Variants in PDE1A observed in about 807,000 individuals in gnomAD.
PDE1A encodes dual specificity calcium/calmodulin-dependent 3',5'-cyclic nucleotide phosphodiesterase 1A.
Under a neutral mutation model 61.7 loss-of-function variants are expected in PDE1A, and 35 were observed. The observed-to-expected ratio is 0.57, with a 90% CI of 0.43 to 0.75. The LOEUF (loss-of-function observed/expected upper bound fraction) is 0.75, where lower values mean the gene tolerates loss of function less well. PDE1A is among the 30% of genes least tolerant of loss of function. PDE1A has a pLI of 0.00. For synonymous variants in PDE1A, 232 were observed against 213.2 expected, an observed-to-expected ratio of 1.09 and a Z score of -0.77; for missense variants, 597 against 630.6, an observed-to-expected ratio of 0.95 and a Z score of 0.57.
intron 1 of PDE1A, among the ~76,000 whole-genome samples, chr2:182,277,666 G>A (rs1332595595): frequency 6.6e-6 from 1 of 152,038 alleles, no homozygotes; most frequent in Non-Finnish European, 1.5e-5. Flanking sequence ...TGTCTTTAAG[G>A]AATTCTTAAT....
the PDE1A span, among the ~76,000 whole-genome samples, chr2:182,548,230 T>A: frequency 1.3e-5 from 2 of 152,190 alleles, no homozygotes; most frequent in Admixed American, 1.3e-4. Flanking sequence ...GTGCTCCAGA[T>A]TCAGCTGTTA....
the PDE1A span, among the ~76,000 whole-genome samples, chr2:182,650,286 A>T: frequency 6.6e-6 from 1 of 152,192 alleles, no homozygotes; most frequent in African/African-American, 2.4e-5. Flanking sequence ...GATTTTTAAA[A>T]ACCTACTAAC....
chr2:182,604,533 G>A, the PDE1A span, among the ~76,000 whole-genome samples: 12 of 152,150 alleles, frequency 7.9e-5, no homozygotes, highest in African/African-American at 2.9e-4. Flanking sequence ...CTCAGTCCAA[G>A]GATATGGAGA....
the PDE1A span, among the ~76,000 whole-genome samples, chr2:182,611,512 A>T: frequency 5.0e-3 from 755 of 152,208 alleles, 3 homozygotes; most frequent in Non-Finnish European, 8.0e-3. Context: ...TTAAACTTCA[A>T]CTCATCTTCC....
chr2:182,689,231 C>T, the PDE1A span, among the ~76,000 whole-genome samples: 3 of 152,286 alleles, frequency 2.0e-5, no homozygotes, highest in South Asian at 6.2e-4. Flanking sequence ...ATACATTCTT[C>T]TCAGGACCAC....
intron 13 of PDE1A, among the ~76,000 whole-genome samples, chr2:182,155,942 T>C (rs370850189): frequency 3.9e-5 from 6 of 152,030 alleles, no homozygotes; most frequent in African/African-American, 1.5e-4. Context: ...GTGAAGATAA[T>C]TGAATCATGG....
chr2:182,394,339 A>G (rs1039591750), intron 1 of PDE1A, among the ~76,000 whole-genome samples: 6 of 152,148 alleles, frequency 3.9e-5, no homozygotes, highest in Admixed American at 3.3e-4. Context: ...TACCCTTTAT[A>G]AAATCATCAG....
chr2:182,644,334 A>G, the PDE1A span, among the ~76,000 whole-genome samples: 2 of 146,340 alleles, frequency 1.4e-5, no homozygotes, highest in East Asian at 2.0e-4. Flanking sequence ...GCCATGTATG[A>G]AACCCAAAGT....
At chr2:182,315,441 A>G (rs1178627402) in intron 1 of PDE1A, among the ~76,000 whole-genome samples, 1 of 152,214 alleles carries the variant, frequency 6.6e-6, no homozygotes, top group African/African-American at 2.4e-5. Flanking sequence ...GCATATAATT[A>G]AAAGTTAAAT....
At chr2:182,560,834 A>T in the PDE1A span, among the ~76,000 whole-genome samples, 2 of 151,932 alleles carry the variant, frequency 1.3e-5, no homozygotes, top group Non-Finnish European at 2.9e-5. Flanking sequence ...GCATTTTTTC[A>T]TGTGTTTTTT....
intron 2 of PDE1A, among the ~76,000 whole-genome samples, chr2:182,244,267 C>G (rs1690783894): frequency 6.6e-6 from 1 of 152,064 alleles, no homozygotes; most frequent in Non-Finnish European, 1.5e-5. Context: ...TATCAGAGAT[C>G]TCTTTTATCT....
intron 2 of PDE1A, among the ~76,000 whole-genome samples, chr2:182,446,077 G>A (rs1044334945): frequency 6.6e-6 from 1 of 151,900 alleles, no homozygotes; most frequent in Non-Finnish European, 1.5e-5. Context: ...TAAATCATAG[G>A]GATGGCATTG....
chr2:182,368,001 A>G (rs1292382591), intron 1 of PDE1A, among the ~76,000 whole-genome samples: 1 of 152,078 alleles, frequency 6.6e-6, no homozygotes, highest in Admixed American at 6.6e-5. Flanking sequence ...ACACACACAA[A>G]AGGAGAGAGG....
chr2:182,577,812 C>G, the PDE1A span, among the ~76,000 whole-genome samples: 20 of 152,138 alleles, frequency 1.3e-4, no homozygotes, highest in South Asian at 4.1e-3. Flanking sequence ...CCCAGCTACT[C>G]AGGAGGCTGA....
intron 1 of PDE1A, among the ~76,000 whole-genome samples, chr2:182,294,895 GA>G (rs1379148376): frequency 6.6e-6 from 1 of 151,966 alleles, no homozygotes; most frequent in Non-Finnish European, 1.5e-5. Flanking sequence ...GGAACAGAGG[GA>G]AACAGAAATG....
chr2:182,586,671 C>T, the PDE1A span, among the ~76,000 whole-genome samples: 1 of 152,000 alleles, frequency 6.6e-6, no homozygotes, highest in South Asian at 2.1e-4. Flanking sequence ...CTGCCAACAC[C>T]ACCCCTCTCA....
chr2:182,457,320 T>A (rs1685991558), intron 2 of PDE1A, among the ~76,000 whole-genome samples: 1 of 151,880 alleles, frequency 6.6e-6, no homozygotes, highest in Non-Finnish European at 1.5e-5. Flanking sequence ...TATGATATAG[T>A]AGGCCATTTT....
intron 1 of PDE1A, among the ~76,000 whole-genome samples, chr2:182,358,075 T>C (rs1699297546): frequency 6.6e-6 from 1 of 152,164 alleles, no homozygotes. Context: ...ACCTTCCATT[T>C]TCTAGGCTTG....
At chr2:182,694,479 A>G in the PDE1A span, among the ~76,000 whole-genome samples, 5 of 152,102 alleles carry the variant, frequency 3.3e-5, no homozygotes, top group Admixed American at 6.6e-5. Context: ...AACGAAGCCT[A>G]CTCTCATCTG....
Sources: gnomAD v4.1 joint callset for allele counts (sites outside exome capture counted in the v4.1 genomes callset) on GRCh38, gnomAD v4.1.1 for gene constraint, MANE v1.5 for transcripts, NCBI Gene and HGNC (gene_info 2026-07-23, HGNC 2026-07-21) for gene names.